Variants in AP3B1 observed in about 807,000 individuals in gnomAD.
The protein encoded by AP3B1 is AP-3 complex subunit beta-1.
Under a neutral mutation model 132.5 loss-of-function variants are expected in AP3B1, and 61 were observed. That is an observed-to-expected ratio of 0.46 (90% confidence interval 0.37 to 0.57). AP3B1 has a LOEUF of 0.57. Ranked by LOEUF, AP3B1 falls within the 20% of genes least tolerant of loss-of-function variation. The pLI is 0.00. For missense variants in AP3B1, 1,120 were observed against 1,289.4 expected (o/e 0.87, Z 2.01); for synonymous variants, 388 against 438.3 (o/e 0.89, Z 1.43).
At chr5:78,076,880 C>T (rs1749789582) in intron 22 of AP3B1, among the ~76,000 whole-genome samples, 1 of 152,146 alleles carries the variant, frequency 6.6e-6, no homozygotes, top group Non-Finnish European at 1.5e-5. Flanking sequence ...CTAGAATCTG[C>T]CCTAGGTGTG....
intron 25 of AP3B1, 111 bp from the exon 26 acceptor site, chr5:78,015,659 T>A: frequency 2.1e-6 from 2 of 966,958 alleles, no homozygotes; most frequent in Admixed American, 2.3e-5. Context: ...AAAGAAACAC[T>A]ACTTTAGGAT....
intron 7 of AP3B1, among the ~76,000 whole-genome samples, chr5:78,193,770 A>ATTTTTTTTTTTTTTT (rs35190275): frequency 4.5e-5 from 3 of 67,218 alleles, no homozygotes; most frequent in South Asian, 8.2e-4. Flanking sequence ...ATATATATAT[A>ATTTTTTTTTTTTTTT]TTTTTTTTTT....
chr5:78,259,959 G>C (rs957854474), intron 2 of AP3B1, among the ~76,000 whole-genome samples: 2 of 151,310 alleles, frequency 1.3e-5, no homozygotes, highest in Non-Finnish European at 2.9e-5. Context: ...AACAGAGCAA[G>C]ACTCCATCTC....
downstream of AP3B1, chr5:78,001,354 AG>A (rs1746198683): frequency 6.6e-6 from 1 of 152,238 alleles, no homozygotes; most frequent in Non-Finnish European, 1.5e-5. Flanking sequence ...GCGATTACAA[AG>A]GGGCTTTTGG....
At chr5:78,031,520 G>GT (rs925076853) in intron 24 of AP3B1, among the ~76,000 whole-genome samples, 1 of 152,204 alleles carries the variant, frequency 6.6e-6, no homozygotes, top group African/African-American at 2.4e-5. Flanking sequence ...TCCCAGGCAA[G>GT]TGGCTCATTC....
intron 1 of AP3B1, among the ~76,000 whole-genome samples, chr5:78,281,248 A>AAT (rs1749038187): frequency 6.6e-6 from 1 of 152,170 alleles, no homozygotes; most frequent in Non-Finnish European, 1.5e-5. Flanking sequence ...CATCCTGACC[A>AAT]ACATGGCAAA....
In AP3B1 at chr5:78,177,440, C is replaced by G; in HGVS notation, c.943-4G>C. 6.2e-7 allele frequency: 1 copy of G among 1,605,262 alleles called. No individual in the cohort carries two copies. The highest frequency in any genetic ancestry group is 8.5e-7 in the Non-Finnish European group (1 of 1,171,998). The stretch of plus-strand genomic sequence containing the variant: ...GCTGAGCAACTGCCATAACCACCTA[C>G]AAGATAAAGCATAAAAATAACAGAA... On this transcript the variant is annotated splice_polypyrimidine_tract_variant and splice_region_variant and intron_variant, in intron 8 of 26. Transcript: ENST00000255194.
intron 6 of AP3B1, among the ~76,000 whole-genome samples, chr5:78,223,027 CTTTT>C (rs1554077324): frequency 7.8e-6 from 1 of 127,818 alleles, no homozygotes. Flanking sequence ...TTGTTTGTTT[CTTTT>C]TTTTTTTTTG....
rs1231681935 is a variant in AP3B1 at position 78,216,135 on chromosome 5, C to T, written c.706G>A (p.Val236Ile). 1.9e-6 allele frequency: 3 copies of T among 1,613,924 alleles called. No individual in the cohort carries two copies. The highest frequency in any genetic ancestry group is 2.5e-6 in the Non-Finnish European group (3 of 1,179,918). Residue 236 changes from valine to isoleucine, a missense_variant, in exon 7 of 27, where the codon GTT becomes ATT. By Grantham distance (29) the Val-to-Ile change is conservative. Around this residue, in one of 3 missense-constraint regions of AP3B1, gnomAD observed 129 missense variants for 212.4 expected, o/e 0.61. Transcript: ENST00000255194. ...YRKLCNLLVD[V>I]EEWGQVVIIH... ...ATGACAACCTGCCCCCACTCTTCAA[C>T]ATCCACTAGTAAGTTACATAGCTTG...
chr5:78,007,963 T>C (rs934773034), intron 26 of AP3B1, among the ~76,000 whole-genome samples: 5 of 152,130 alleles, frequency 3.3e-5, no homozygotes, highest in South Asian at 2.1e-4. Context: ...ATGAGAAAAG[T>C]TAAAATAAAA....
intron 7 of AP3B1, among the ~76,000 whole-genome samples, chr5:78,193,740 T>TATATATATATATATATCTA (rs1561469382): frequency 2.6e-4 from 11 of 41,700 alleles, no homozygotes; most frequent in South Asian, 1.9e-3. Flanking sequence ...TTGTATATAT[T>TATATATATATATATATCTA]TTTTTATATA....
intron 3 of AP3B1, among the ~76,000 whole-genome samples, chr5:78,239,468 C>T (rs59094154): frequency 1.6e-5 from 2 of 121,758 alleles, no homozygotes; most frequent in African/African-American, 3.2e-5. Context: ...GGAACCCTGT[C>T]TCAGAAAAAA....
intron 14 of AP3B1, among the ~76,000 whole-genome samples, chr5:78,144,551 T>A (rs1459819838): frequency 6.6e-6 from 1 of 152,178 alleles, no homozygotes; most frequent in African/African-American, 2.4e-5. Context: ...GCAAACTGCA[T>A]ACCAACAGCA....
intron 17 of AP3B1, among the ~76,000 whole-genome samples, chr5:78,124,930 T>C (rs1355328758): frequency 6.6e-6 from 1 of 152,186 alleles, no homozygotes; most frequent in Non-Finnish European, 1.5e-5. Context: ...CCATGAATTC[T>C]ATGGAGTTTC....
At chr5:78,097,367 T>G in intron 21 of AP3B1, among the ~76,000 whole-genome samples, 1 of 76,378 alleles carries the variant, frequency 1.3e-5, no homozygotes, top group Admixed American at 1.4e-4. Context: ...CCAGCCGCCC[T>G]GTCCGGGAGG....
chr5:78,216,016 C>A (rs1460545078), intron 7 of AP3B1, 39 bp downstream of exon 7: 1 of 1,607,724 alleles, frequency 6.2e-7, no homozygotes, highest in South Asian at 1.1e-5. Context: ...CATCCATTCT[C>A]TTAGTATACT....
chr5:78,275,675 A>C (rs945469067), intron 1 of AP3B1, among the ~76,000 whole-genome samples: 2 of 152,032 alleles, frequency 1.3e-5, no homozygotes, highest in Non-Finnish European at 2.9e-5. Context: ...AGTTTTCACC[A>C]TGTTGGCTAA....
At position 78,157,186 on chromosome 5, in the gene AP3B1, C is replaced by G. The variant is rs559216610; in HGVS notation, c.1364-819G>C. Among the ~76,000 whole-genome samples, 6 of 152,308 alleles carry G rather than the reference C, an allele frequency of 3.9e-5. No homozygotes were observed. The South Asian group carries it at 1.2e-3, about 32-fold the overall frequency. ...TACTGAAGGTACTGCAAGTGGCTCA[C>G]TCCTGCAGGGTCTGGTAACTGCTCC... On this transcript the variant is annotated intron_variant, in intron 13 of 26. Coordinates refer to ENST00000255194, the MANE Select transcript of AP3B1 (RefSeq NM_003664.5).
At chr5:78,077,178 C>A (rs867938067) in intron 22 of AP3B1, among the ~76,000 whole-genome samples, 1 of 152,018 alleles carries the variant, frequency 6.6e-6, no homozygotes, top group Non-Finnish European at 1.5e-5. Flanking sequence ...CCTCAGTGTA[C>A]CACTTTTGCA....
Sources: allele counts gnomAD v4.1 joint callset (sites outside exome capture counted in the v4.1 genomes callset), GRCh38; gene constraint gnomAD v4.1.1; regional missense constraint gnomAD v4.1.1; transcripts MANE v1.5; gene names NCBI Gene and HGNC (gene_info 2026-07-23, HGNC 2026-07-21).